The following CFTR variants were observed in gnomAD, a reference collection of about 807,000 sequenced individuals.
CFTR encodes the protein CF transmembrane conductance regulator.
A neutral mutation model predicts 171.6 loss-of-function variants in CFTR; 181 were observed. The observed-to-expected ratio is 1.05, with a 90% CI of 0.93 to 1.19. The LOEUF (loss-of-function observed/expected upper bound fraction) is 1.19, where lower values mean the gene tolerates loss of function less well. CFTR is among the 50% of genes most tolerant of loss of function. The probability of loss-of-function intolerance (pLI) is 0.00; values close to 1 mark genes in which losing one functional copy is unlikely to be tolerated. For synonymous variants in CFTR, 583 were observed against 608.0 expected, an observed-to-expected ratio of 0.96 and a Z score of 0.60; for missense variants, 1,968 against 1,734.7, an observed-to-expected ratio of 1.13 and a Z score of -2.39.
intron 1 of CFTR, among the ~76,000 whole-genome samples, chr7:117,489,373 A>G (rs1316612408): frequency 6.6e-6 from 1 of 152,112 alleles, no homozygotes. Flanking sequence ...ATTTCTAAAA[A>G]CTGTGTATAG....
intron 24 of CFTR, among the ~76,000 whole-genome samples, chr7:117,655,234 A>G (rs545443311): frequency 1.5e-4 from 23 of 152,200 alleles, no homozygotes; most frequent in Non-Finnish European, 3.2e-4. Context: ...CTTGAATTTT[A>G]CTATGAGCAG....
chr7:117,594,163 G>A (rs1441976867), intron 14 of CFTR, among the ~76,000 whole-genome samples: 3 of 152,086 alleles, frequency 2.0e-5, no homozygotes, highest in Non-Finnish European at 4.4e-5. Context: ...GATGTTAATG[G>A]TGGAGGTTGG....
intron 26 of CFTR, among the ~76,000 whole-genome samples, chr7:117,666,559 T>C (rs907776141): frequency 2.0e-5 from 3 of 152,188 alleles, no homozygotes; most frequent in East Asian, 3.9e-4. Context: ...TTCAGATCAC[T>C]GTGGAAGAGG....
chr7:117,629,249 G>A (rs1442740770), intron 22 of CFTR, among the ~76,000 whole-genome samples: 1 of 152,088 alleles, frequency 6.6e-6, no homozygotes, highest in Non-Finnish European at 1.5e-5. Context: ...TGGGGGAATT[G>A]GAAATTACTC....
chr7:117,596,441 C>A (rs1161668491), intron 15 of CFTR, among the ~76,000 whole-genome samples: 1 of 152,234 alleles, frequency 6.6e-6, no homozygotes, highest in Non-Finnish European at 1.5e-5. Flanking sequence ...ACGAGCACCG[C>A]CCCCTGCTCC....
intron 11 of CFTR, among the ~76,000 whole-genome samples, chr7:117,571,993 T>A (rs984863624): frequency 1.6e-4 from 24 of 151,210 alleles, no homozygotes; most frequent in African/African-American, 5.6e-4. Context: ...AACCTTTTTT[T>A]ATTATTTTAT....
intron 3 of CFTR, among the ~76,000 whole-genome samples, chr7:117,509,756 T>G (rs1798485769): frequency 6.6e-6 from 1 of 152,184 alleles, no homozygotes; most frequent in African/African-American, 2.4e-5. Flanking sequence ...TGTTCCCCAG[T>G]TGCTGTCCAA....
At chr7:117,647,993 C>T (rs1474001392) in intron 23 of CFTR, among the ~76,000 whole-genome samples, 1 of 148,536 alleles carries the variant, frequency 6.7e-6, no homozygotes, top group Non-Finnish European at 1.5e-5. Flanking sequence ...TTTGATAGAA[C>T]TATACACGGA....
At chr7:117,504,154 A>G (rs1021695901) in intron 1 of CFTR, 99 bp from the exon 2 acceptor site, 21 of 749,524 alleles carry the variant, frequency 2.8e-5, no homozygotes, top group Non-Finnish European at 5.2e-5. Flanking sequence ...TTACATGTGC[A>G]TAATTTTCCA....
At chr7:117,655,064 A>C (rs1793147715) in intron 24 of CFTR, among the ~76,000 whole-genome samples, 1 of 152,182 alleles carries the variant, frequency 6.6e-6, no homozygotes, top group African/African-American at 2.4e-5. Context: ...TGAGATGGCT[A>C]GTCCATAGTA....
At chr7:117,595,126 C>A in intron 15 of CFTR, 68 bp downstream of exon 15, 1 of 1,265,014 alleles carries the variant, frequency 7.9e-7, no homozygotes, top group Non-Finnish European at 1.1e-6. Flanking sequence ...GGGATGTATA[C>A]ATATATATGC....
Position 117,667,127 on chromosome 7 carries a change from A to G in CFTR, c.*19A>G, listed in dbSNP as rs1452459123. The G allele has an allele frequency of 3.7e-6, 6 of 1,605,806 alleles. No individual in the cohort carries two copies. Among genetic ancestry groups the G allele is most frequent in the African/African-American group, 2.7e-5 (2 of 74,846 alleles). Reference sequence around the variant, plus strand: ...GCTTTAGAGAGCAGCATAAATGTTGACATGGGACATTTGCTCATGGAATTG... The same window carrying G: ...GCTTTAGAGAGCAGCATAAATGTTGGCATGGGACATTTGCTCATGGAATTG... On this transcript the variant is annotated 3_prime_UTR_variant, in exon 27 of 27. Transcript: ENST00000003084.
chr7:117,539,824 A>T (rs1799017665), intron 7 of CFTR, among the ~76,000 whole-genome samples: 1 of 151,214 alleles, frequency 6.6e-6, no homozygotes, highest in Non-Finnish European at 1.5e-5. Flanking sequence ...ATTATTAATT[A>T]TAATTTAAAA....
chr7:117,559,588 T>C lies in CFTR; in HGVS notation c.1517T>C (p.Ile506Thr), dbSNP rs397508224. 3.7e-6 allele frequency: 6 copies of C among 1,612,494 alleles called. No homozygotes were observed. Among genetic ancestry groups the C allele is most frequent in the South Asian group, 3.3e-5 (3 of 91,048 alleles). ...WIMPGTIKEN[I>T]IFGVSYDEYR... ...ATGCCTGGCACCATTAAAGAAAATA[T>C]CATCTTTGGTGTTTCCTATGATGAA... Residue 506 changes from isoleucine (I) to threonine (T), a missense_variant, in exon 11 of 27, where the codon ATC becomes ACC. Physicochemically the swap from Ile to Thr is moderately conservative, Grantham distance 89. Transcript: ENST00000003084.
At chr7:117,619,911 G>A (rs942234275) in intron 21 of CFTR, among the ~76,000 whole-genome samples, 2 of 148,996 alleles carry the variant, frequency 1.3e-5, no homozygotes, top group Non-Finnish European at 3.0e-5. Flanking sequence ...TTTGTTTTGG[G>A]TTCCAGTAAA....
chr7:117,619,788 A>T (rs1490765212), intron 21 of CFTR, among the ~76,000 whole-genome samples: 2 of 152,218 alleles, frequency 1.3e-5, no homozygotes, highest in Non-Finnish European at 2.9e-5. Flanking sequence ...GCTTGTGGAT[A>T]GATTTCTGTT....
At chr7:117,633,525 A>T (rs781072431) in intron 22 of CFTR, among the ~76,000 whole-genome samples, 7 of 151,996 alleles carry the variant, frequency 4.6e-5, no homozygotes, top group Admixed American at 2.0e-4. Flanking sequence ...TAGGACTTCC[A>T]GTATGATGTT....
chr7:117,534,497 G>A lies in CFTR; in HGVS notation c.579+132G>A. On this transcript the variant is annotated intron_variant, in intron 5 of 26. Coordinates refer to ENST00000003084, the MANE Select transcript of CFTR (RefSeq NM_000492.4). ...GCTCAGCTCTAGCTTCCCTATTCTGGAAACTAAGAAAGGTCAATTGTATAG... is the reference window on the plus strand; with the variant it reads ...GCTCAGCTCTAGCTTCCCTATTCTGAAAACTAAGAAAGGTCAATTGTATAG... The A allele has an allele frequency of 4.5e-6, 3 of 669,156 alleles. No homozygotes were observed. In the South Asian group the frequency reaches 4.9e-5, roughly 11 times the overall value. 41.5% of individuals were successfully genotyped at this position (669,156 alleles called of 1,614,324 possible). A position where few individuals can be genotyped will look rare whatever the true frequency, so the allele number is the denominator to read the frequency against.
chr7:117,540,384 A>T, intron 8 of CFTR, 38 bp downstream of exon 8: 1 of 1,579,400 alleles, frequency 6.3e-7, no homozygotes. Flanking sequence ...ACTATGATTT[A>T]AATAATCAGT....
Sources: allele counts gnomAD v4.1 joint callset (sites outside exome capture counted in the v4.1 genomes callset), GRCh38; gene constraint gnomAD v4.1.1; transcripts MANE v1.5; gene names NCBI Gene and HGNC (gene_info 2026-07-23, HGNC 2026-07-21).